The following CCSER1 variants were observed in gnomAD, a reference collection of about 807,000 sequenced individuals.
CCSER1 encodes the protein serine-rich coiled-coil domain-containing protein 1.
In CCSER1, 41 loss-of-function variants were observed where a neutral mutation model predicts 82.0. That is an observed-to-expected ratio of 0.50 (90% CI 0.39 to 0.65). The LOEUF is 0.65. Ranked by LOEUF, CCSER1 falls within the 30% of genes least tolerant of loss-of-function variation. The pLI is 0.00. For synonymous variants in CCSER1, 414 were observed against 383.9 expected, an observed-to-expected ratio of 1.08 and a Z score of -0.92; for missense variants, 1,119 against 1,064.2, an observed-to-expected ratio of 1.05 and a Z score of -0.72.
chr4:91,159,643 T>G (rs1731172899), intron 10 of CCSER1, among the ~76,000 whole-genome samples: 1 of 151,946 alleles, frequency 6.6e-6, no homozygotes, highest in African/African-American at 2.4e-5. Context: ...CTTACATTCT[T>G]TAGTAGTTTG....
chr4:90,557,789 T>C (rs1036440007), intron 5 of CCSER1, among the ~76,000 whole-genome samples: 2 of 152,130 alleles, frequency 1.3e-5, no homozygotes, highest in African/African-American at 4.8e-5. Context: ...TAACATGATA[T>C]CACTTGGCAA....
intron 10 of CCSER1, among the ~76,000 whole-genome samples, chr4:91,300,452 A>T (rs1336846339): frequency 2.0e-5 from 3 of 151,676 alleles, no homozygotes; most frequent in African/African-American, 7.3e-5. Context: ...GGAAATATAT[A>T]AAAGAGTTAA....
chr4:90,938,947 G>T, intron 9 of CCSER1: 1 of 156,498 alleles, frequency 6.4e-6, no homozygotes, highest in Non-Finnish European at 1.4e-5. Flanking sequence ...TATTCTCATT[G>T]TATTTTTAAA....
rs1370140021 is a variant in CCSER1 at position 91,169,807 on chromosome 4, T to C, written c.2217+83813T>C. ...CTGCTCTTCTTGCAAACTTACCTGTTCATAGTTGGTCCTGTGGCAGAAACT... is the reference window on the plus strand; with the variant it reads ...CTGCTCTTCTTGCAAACTTACCTGTCCATAGTTGGTCCTGTGGCAGAAACT... On this transcript the variant is annotated intron_variant, in intron 10 of 10. Transcript: ENST00000509176. Among the ~76,000 whole-genome samples, 4 of 152,268 alleles carry C rather than the reference T, an allele frequency of 2.6e-5. No individual in the cohort carries two copies. In the East Asian group the frequency reaches 7.7e-4, roughly 29 times the overall value.
intron 7 of CCSER1, among the ~76,000 whole-genome samples, chr4:90,800,303 A>G (rs1756629105): frequency 2.0e-5 from 3 of 152,040 alleles, no homozygotes; most frequent in Non-Finnish European, 2.9e-5. Context: ...AGGTCTTACC[A>G]TGTTGCCCAG....
chr4:90,536,031 GTTT>G (rs781671347), intron 5 of CCSER1, among the ~76,000 whole-genome samples: 1 of 117,200 alleles, frequency 8.5e-6, no homozygotes. Context: ...CTTTCTTTCT[GTTT>G]TTTTTTTTTT....
At chr4:90,821,331 G>A (rs191197179) in intron 8 of CCSER1, among the ~76,000 whole-genome samples, 1 of 152,288 alleles carries the variant, frequency 6.6e-6, no homozygotes, top group East Asian at 1.9e-4. Context: ...CAAAAGCTAT[G>A]ACATACACCT....
intron 4 of CCSER1, among the ~76,000 whole-genome samples, chr4:90,438,876 G>T (rs1759441926): frequency 6.6e-6 from 1 of 151,868 alleles, no homozygotes; most frequent in South Asian, 2.1e-4. Context: ...TTCTTATTTG[G>T]CACAGTGCAG....
chr4:90,902,999 C>G (rs1403101893), intron 8 of CCSER1, among the ~76,000 whole-genome samples: 1 of 152,096 alleles, frequency 6.6e-6, no homozygotes, highest in Non-Finnish European at 1.5e-5. Flanking sequence ...AGACTTTAAC[C>G]TTTTGTTCCT....
chr4:91,510,421 C>T (rs796134263), intron 10 of CCSER1, among the ~76,000 whole-genome samples: 9 of 152,270 alleles, frequency 5.9e-5, no homozygotes, highest in East Asian at 3.9e-4. Flanking sequence ...TTGCTTTCCA[C>T]GGTGGCCGAA....
At chr4:91,150,685 A>C (rs946927600) in intron 10 of CCSER1, among the ~76,000 whole-genome samples, 1 of 152,190 alleles carries the variant, frequency 6.6e-6, no homozygotes. Context: ...GAGAGTTTTT[A>C]GCATGAAGGG....
At chr4:91,251,327 C>CT (rs1246470128) in intron 10 of CCSER1, among the ~76,000 whole-genome samples, 1 of 152,134 alleles carries the variant, frequency 6.6e-6, no homozygotes, top group African/African-American at 2.4e-5. Flanking sequence ...TATGCAGGCA[C>CT]TAATTCTATT....
chr4:90,818,911 C>A (rs1328302671), intron 8 of CCSER1, among the ~76,000 whole-genome samples: 4 of 152,186 alleles, frequency 2.6e-5, no homozygotes, highest in Admixed American at 6.5e-5. Flanking sequence ...AAGAGATGCA[C>A]CTTTCCTTGG....
At chr4:90,979,845 C>G (rs1353620325) in intron 9 of CCSER1, among the ~76,000 whole-genome samples, 1 of 151,718 alleles carries the variant, frequency 6.6e-6, no homozygotes, top group Non-Finnish European at 1.5e-5. Flanking sequence ...CATAAAACAT[C>G]AGAGTTATTT....
chr4:90,393,772 CTTTTTTTT>C lies in CCSER1; in HGVS notation c.1510-6249_1510-6242del, dbSNP rs997027362. Among the ~76,000 whole-genome samples the C allele has an allele frequency of 9.9e-5, 11 of 111,360 alleles. No homozygotes were observed. The Admixed American group carries it at 1.1e-3, about 11-fold the overall frequency. The allele number at this position is 111,360 out of a possible 152,430, so 73.1% of individuals were successfully genotyped here. On this transcript the variant is annotated intron_variant, in intron 3 of 10. Transcript: ENST00000509176. Reference sequence around the variant, plus strand: ...GACTTTATACAATAGTTATATCTTCCTTTTTTTTTTTTTTTTTTTTTTGGGACAGGACC... The same window carrying C: ...GACTTTATACAATAGTTATATCTTCCTTTTTTTTTTTTTTGGGACAGGACC...
At chr4:90,537,811 G>A (rs1775600478) in intron 5 of CCSER1, among the ~76,000 whole-genome samples, 1 of 152,022 alleles carries the variant, frequency 6.6e-6, no homozygotes, top group Non-Finnish European at 1.5e-5. Flanking sequence ...ATGGTAGTGG[G>A]GAAAGGATTG....
chr4:90,880,890 C>T (rs1721205276), intron 8 of CCSER1, among the ~76,000 whole-genome samples: 1 of 151,980 alleles, frequency 6.6e-6, no homozygotes. Flanking sequence ...TTTCTCCATT[C>T]TCCATGGGTT....
Position 90,309,067 on chromosome 4 carries a change from A to G in CCSER1, c.783A>G (p.Leu261=). 1 of 1,613,908 alleles carries G rather than the reference A, an allele frequency of 6.2e-7. No individual in the cohort carries two copies. The highest frequency in any genetic ancestry group is 2.2e-5 in the East Asian group (1 of 44,872). The part of the protein sequence containing the change: ...LTTAQTPSEF[L]ALTEDSVSEM... Reference sequence around the variant, plus strand: ...CAGCTCAGACACCTTCAGAATTTTTAGCCTTGACTGAAGATTCTGTGTCTG... The same window carrying G: ...CAGCTCAGACACCTTCAGAATTTTTGGCCTTGACTGAAGATTCTGTGTCTG... Residue 261 remains leucine, a synonymous_variant, in exon 2 of 11, where the codon TTA becomes TTG. Coordinates refer to ENST00000509176, the MANE Select transcript of CCSER1 (RefSeq NM_001145065.2).
chr4:90,394,589 C>G (rs1751693674), intron 3 of CCSER1, among the ~76,000 whole-genome samples: 2 of 152,014 alleles, frequency 1.3e-5, no homozygotes, highest in Admixed American at 6.6e-5. Flanking sequence ...TCTTACATAC[C>G]AATTAATTAG....
Sources: allele counts gnomAD v4.1 joint callset (sites outside exome capture counted in the v4.1 genomes callset), GRCh38; gene constraint gnomAD v4.1.1; transcripts MANE v1.5; gene names NCBI Gene and HGNC (gene_info 2026-07-23, HGNC 2026-07-21).